Variants in GYG1 observed in about 807,000 individuals in gnomAD.
GYG1 encodes the protein glycogenin 1.
In GYG1, 44 loss-of-function variants were observed where a neutral mutation model predicts 41.9. The ratio of observed to expected loss-of-function variants is 1.05; its 90% CI spans 0.83 to 1.35. The LOEUF (loss-of-function observed/expected upper bound fraction) is 1.35, where lower values mean the gene tolerates loss of function less well. GYG1 is among the 40% of genes most tolerant of loss of function. The pLI, the probability that GYG1 is intolerant of heterozygous loss-of-function variation, is 0.00. For missense variants in GYG1, 429 were observed against 418.9 expected, an observed-to-expected ratio of 1.02 and a Z score of -0.21; for synonymous variants, 141 against 158.1, an observed-to-expected ratio of 0.89 and a Z score of 0.81.
intron 1 of GYG1, 23 bp downstream of exon 1, chr3:148,991,670 C>T (rs1712475087): frequency 1.3e-6 from 2 of 1,516,078 alleles, no homozygotes; most frequent in South Asian, 1.2e-5. Flanking sequence ...AGCCCGCCGC[C>T]GCCAGCCCCG....
At chr3:149,009,549 A>G (rs1222867932) in intron 5 of GYG1, 147 bp downstream of exon 5, 1 of 851,292 alleles carries the variant, frequency 1.2e-6, no homozygotes, top group East Asian at 2.5e-5. Context: ...CGTGGCTGCA[A>G]TGGGGAGAGG....
rs1714701719 is a variant in GYG1, at chr3:149,027,085, G to T, written c.*152G>T. On this transcript the variant is annotated 3_prime_UTR_variant, in exon 8 of 8. Transcript: ENST00000345003. The stretch of plus-strand genomic sequence containing the variant: ...GAGGCTTTTTTAGGATAAGAGGTGA[G>T]AACTGGGCAAAAGTTGTGAAGCAGC... The T allele has an allele frequency of 6.9e-6, 5 of 724,180 alleles. No individual in the cohort carries two copies. The African/African-American group carries it at 7.1e-5, about 10-fold the overall frequency. The allele number at this position is 724,180 out of a possible 1,614,324, so 44.9% of individuals were successfully genotyped here. A position where few individuals can be genotyped will look rare whatever the true frequency, so the allele number is the denominator to read the frequency against.
In GYG1 at chr3:149,027,623, T is replaced by TA. The variant is rs967152093; in HGVS notation, c.*691dup. The TA allele has an allele frequency of 6.6e-6, 1 of 152,584 alleles. No individual in the cohort carries two copies. Among genetic ancestry groups the TA allele is most frequent in the African/African-American group, 2.4e-5 (1 of 41,450 alleles). The allele number at this position is 152,584 out of a possible 1,614,324, so 9.5% of individuals were successfully genotyped here. The stretch of plus-strand genomic sequence containing the variant: ...CACCCTGTACAAAAAATAAAAGACT[T>TA]ATTGCTGTATCTTGGTTGTTTAATT... On this transcript the variant is annotated 3_prime_UTR_variant, in exon 8 of 8. Coordinates refer to ENST00000345003, the MANE Select transcript of GYG1 (RefSeq NM_004130.4).
intron 5 of GYG1, among the ~76,000 whole-genome samples, chr3:149,018,131 T>G (rs1269779925): frequency 2.0e-5 from 3 of 152,168 alleles, no homozygotes; most frequent in African/African-American, 7.2e-5. Flanking sequence ...CATAAATGAC[T>G]AAAGGGTAAA....
intron 1 of GYG1, among the ~76,000 whole-genome samples, chr3:148,991,893 T>C (rs1450980785): frequency 6.6e-6 from 1 of 152,200 alleles, no homozygotes; most frequent in Non-Finnish European, 1.5e-5. Context: ...TCGTTCCTGC[T>C]TCCGTCTCCT....
chr3:148,997,038 G>A, intron 4 of GYG1, 134 bp downstream of exon 4: 3 of 714,408 alleles, frequency 4.2e-6, no homozygotes, highest in Non-Finnish European at 7.4e-6. Context: ...TTTAAGTTGT[G>A]CTCTTCTGGG....
Position 149,024,277 on chromosome 3 carries a change from G to C in GYG1, c.828+5G>C, listed in dbSNP as rs200878347. 3.2e-6 allele frequency: 5 copies of C among 1,553,006 alleles called. No individual in the cohort carries two copies. Among genetic ancestry groups the C allele is most frequent in the Admixed American group, 1.7e-5 (1 of 59,956 alleles). ...ACCTGCTCATATGTAAATGTGGTAG[G>C]TTCTGTTTCTTTTCTTCAGATCATT... On this transcript the variant is annotated splice_donor_5th_base_variant and intron_variant, in intron 6 of 7. Transcript: ENST00000345003.
chr3:149,024,704 CAGTAA>C (rs1218479824), intron 6 of GYG1, among the ~76,000 whole-genome samples: 1 of 152,206 alleles, frequency 6.6e-6, no homozygotes, highest in Admixed American at 6.5e-5. Flanking sequence ...TATGAACATA[CAGTAA>C]ATACTTCTAT....
intron 4 of GYG1, chr3:149,008,891 C>A: frequency 4.8e-6 from 1 of 209,004 alleles, no homozygotes; most frequent in Admixed American, 5.3e-5. Context: ...GGCGTGATGG[C>A]TCACGTTGGT....
rs1712483767 is a variant in GYG1, at chr3:148,991,735, G to C, written c.7+88G>C. ...TCCCTTCTCCTCCGCCCTCAGCCCC[G>C]GAGTGTTCCCGGCAGGACGAAACCG... On this transcript the variant is annotated intron_variant, in intron 1 of 7. Transcript: ENST00000345003. 4 of 1,114,456 alleles carry C rather than the reference G, an allele frequency of 3.6e-6. No individual in the cohort carries two copies. In the East Asian group the frequency reaches 1.1e-4, roughly 31 times the overall value. The allele number at this position is 1,114,456 out of a possible 1,614,324, so 69.0% of individuals were successfully genotyped here.
At chr3:149,005,059 A>G (rs540763077) in intron 4 of GYG1, among the ~76,000 whole-genome samples, 1 of 152,328 alleles carries the variant, frequency 6.6e-6, no homozygotes, top group African/African-American at 2.4e-5. Flanking sequence ...CATTATGGGT[A>G]GCTGTTAGTC....
At chr3:149,010,916 C>T (rs915772088) in intron 5 of GYG1, among the ~76,000 whole-genome samples, 10 of 152,126 alleles carry the variant, frequency 6.6e-5, no homozygotes, top group Admixed American at 2.6e-4. Context: ...AAGTCCTCTC[C>T]GTAAGTCTTA....
In GYG1 at chr3:148,994,188, T is replaced by G. The variant is rs1451744665; in HGVS notation, c.54T>G (p.Gly18=). Residue 18 remains glycine, a synonymous_variant, in exon 2 of 8, where the codon GGT becomes GGG. Coordinates refer to ENST00000345003, the MANE Select transcript of GYG1 (RefSeq NM_004130.4). ...CCACAAACGATGCCTACGCCAAAGG[T>G]GCCCTGGTCCTGGGATCATCTCTGA... ...TLTTNDAYAK[G]ALVLGSSLKQ... is the part of the protein sequence containing the mutation. 1.9e-6 allele frequency: 3 copies of G among 1,613,756 alleles called. No homozygotes were observed. Among genetic ancestry groups the G allele is most frequent in the Non-Finnish European group, 2.5e-6 (3 of 1,179,790 alleles).
chr3:148,996,414 A>G lies in GYG1; in HGVS notation c.256A>G (p.Lys86Glu), dbSNP rs988422519. The G allele has an allele frequency of 1.9e-6, 3 of 1,613,880 alleles. No homozygotes were observed. The highest frequency in any genetic ancestry group is 2.7e-5 in the African/African-American group (2 of 74,938). ...GCCAGAGTTGGGTGTCACGCTGACA[A>G]AGCTCCACTGCTGGTCGCTTACACA... Reference protein sequence around the residue: ...KRPELGVTLTKLHCWSLTQYS... With the variant: ...KRPELGVTLTELHCWSLTQYS... Residue 86 changes from lysine (K) to glutamate (E), a missense_variant, in exon 3 of 8, where the codon AAG (lysine) becomes GAG (glutamate). Physicochemically the swap from Lys to Glu is moderately conservative, Grantham distance 56. Coordinates refer to ENST00000345003, the MANE Select transcript of GYG1 (RefSeq NM_004130.4).
At chr3:148,999,844 C>G (rs879146641) in intron 4 of GYG1, among the ~76,000 whole-genome samples, 1 of 152,180 alleles carries the variant, frequency 6.6e-6, no homozygotes, top group Non-Finnish European at 1.5e-5. Context: ...ACCATAGTTT[C>G]TCCCTCCACC....
intron 5 of GYG1, among the ~76,000 whole-genome samples, chr3:149,011,316 A>G (rs897535580): frequency 1.3e-5 from 2 of 152,234 alleles, no homozygotes; most frequent in African/African-American, 4.8e-5. Context: ...GTTCTTGCAA[A>G]CCATGACAGT....
chr3:149,006,528 T>C (rs1453896150), intron 4 of GYG1, among the ~76,000 whole-genome samples: 3 of 152,246 alleles, frequency 2.0e-5, no homozygotes, highest in Admixed American at 2.0e-4. Context: ...GATTGGAGTT[T>C]TTCACTGAGT....
intron 2 of GYG1, among the ~76,000 whole-genome samples, chr3:148,994,935 C>G (rs6782865): frequency 0.042 from 6,433 of 152,286 alleles, 476 homozygotes; most frequent in African/African-American, 0.15. Flanking sequence ...AATCTCAGCA[C>G]TGTGGGAGGC....
At chr3:149,016,087 C>T (rs1054279916) in intron 5 of GYG1, among the ~76,000 whole-genome samples, 7 of 151,646 alleles carry the variant, frequency 4.6e-5, no homozygotes, top group Admixed American at 6.6e-5. Flanking sequence ...AGTGAAACCC[C>T]GTCTCTACTA....
Sources: allele counts gnomAD v4.1 joint callset (sites outside exome capture counted in the v4.1 genomes callset), GRCh38; gene constraint gnomAD v4.1.1; transcripts MANE v1.5; gene names NCBI Gene and HGNC (gene_info 2026-07-23, HGNC 2026-07-21).